ABLIM1: variants seen among roughly 807,000 people sequenced by gnomAD.
ABLIM1 encodes the protein actin binding LIM protein 1.
A neutral mutation model predicts 107.0 loss-of-function variants in ABLIM1; 40 were observed. That is an observed-to-expected ratio of 0.37 (90% CI 0.29 to 0.49). The LOEUF (loss-of-function observed/expected upper bound fraction) is 0.49. Ranked by LOEUF, ABLIM1 falls within the 20% of genes least tolerant of loss-of-function variation. ABLIM1 has a pLI of 0.97. For synonymous variants in ABLIM1, 357 were observed against 357.3 expected (o/e 1.00, Z 0.01); for missense variants, 857 against 1,008.5 (o/e 0.85, Z 2.04).
chr10:114,786,104 C>T, the ABLIM1 span, among the ~76,000 whole-genome samples: 88,780 of 151,960 alleles, frequency 0.58, 26,209 homozygotes, highest in Non-Finnish European at 0.64. Flanking sequence ...GAATTACATT[C>T]AGTTTTTTAA....
intron 12 of ABLIM1, 26 bp from the exon 13 acceptor site, chr10:114,453,509 A>G (rs774375462): frequency 2.7e-6 from 4 of 1,499,130 alleles, no homozygotes; most frequent in Non-Finnish European, 3.6e-6. Context: ...TGGAAAAAAC[A>G]AAATGAGAGA....
chr10:114,616,643 C>G (rs2077147823), intron 1 of ABLIM1, among the ~76,000 whole-genome samples: 1 of 152,162 alleles, frequency 6.6e-6, no homozygotes, highest in South Asian at 2.1e-4. Context: ...AAGGAGTGGA[C>G]CCTCCTGGGT....
Position 114,588,487 on chromosome 10 carries a change from CTTTTTTTTTTTTT to C in ABLIM1, c.380-12901_380-12889del, listed in dbSNP as rs34043960. ...CTCCTTTTTTTCTTTTTCTTTCTTT[CTTTTTTTTTTTTT>C]TTTTTTTTTTTTGAGACAGAGTCTT... is the stretch of plus-strand genomic sequence containing the variant. On this transcript the variant is annotated intron_variant, in intron 2 of 22. Coordinates refer to ENST00000533213, the MANE Select transcript of ABLIM1 (RefSeq NM_002313.7). Among the ~76,000 whole-genome samples the C allele has an allele frequency of 1.2e-4, 9 of 76,560 alleles. 2 individuals are homozygous for C. The South Asian group carries it at 5.7e-3, about 48-fold the overall frequency. 50.2% of individuals were successfully genotyped at this position (76,560 alleles called of 152,430 possible).
intron 6 of ABLIM1, among the ~76,000 whole-genome samples, chr10:114,510,428 T>C (rs930317615): frequency 1.3e-5 from 2 of 151,774 alleles, no homozygotes; most frequent in African/African-American, 4.9e-5. Context: ...TATAATGCAA[T>C]GAATTATAAC....
chr10:114,546,705 T>G (rs1348029443), intron 5 of ABLIM1, among the ~76,000 whole-genome samples: 4 of 152,234 alleles, frequency 2.6e-5, no homozygotes, highest in Non-Finnish European at 5.9e-5. Context: ...TTCACTATAT[T>G]TTTAAACTAC....
intron 1 of ABLIM1, among the ~76,000 whole-genome samples, chr10:114,647,673 C>T (rs1267868746): frequency 4.6e-5 from 7 of 152,190 alleles, no homozygotes; most frequent in Non-Finnish European, 5.9e-5. Flanking sequence ...AGAATTCTCC[C>T]TCTCCACTTG....
intron 1 of ABLIM1, among the ~76,000 whole-genome samples, chr10:114,704,302 C>CTCTCTCTCTATATATA (rs1380460034): frequency 2.3e-5 from 1 of 43,090 alleles, no homozygotes; most frequent in Non-Finnish European, 4.7e-5. Flanking sequence ...CTCTCTCTCT[C>CTCTCTCTCTATATATA]TATATATATA....
intron 1 of ABLIM1, among the ~76,000 whole-genome samples, chr10:114,665,342 G>C (rs1018158136): frequency 6.6e-6 from 1 of 152,212 alleles, no homozygotes; most frequent in Non-Finnish European, 1.5e-5. Flanking sequence ...GCACTGCCAG[G>C]ATTGTGAAGA....
intron 4 of ABLIM1, among the ~76,000 whole-genome samples, chr10:114,559,438 CAAAAAAAAAAAA>C (rs72456292): frequency 8.1e-5 from 4 of 49,364 alleles, no homozygotes; most frequent in East Asian, 1.3e-3. Context: ...ACTCGTCTCT[CAAAAAAAAAAAA>C]AAAAAAAAAA....
upstream of ABLIM1, among the ~76,000 whole-genome samples, chr10:114,685,871 A>G (rs916061963): frequency 6.6e-6 from 1 of 152,140 alleles, no homozygotes; most frequent in African/African-American, 2.4e-5. Context: ...TGCATTCTTT[A>G]TTCTTGTTAG....
intron 8 of ABLIM1, among the ~76,000 whole-genome samples, chr10:114,477,287 G>T (rs1248943212): frequency 6.6e-6 from 1 of 152,190 alleles, no homozygotes; most frequent in African/African-American, 2.4e-5. Context: ...AAATATTTTT[G>T]TTGCGCTAGC....
intron 2 of ABLIM1, among the ~76,000 whole-genome samples, chr10:114,592,988 G>A (rs181551085): frequency 1.4e-4 from 17 of 118,392 alleles, no homozygotes; most frequent in African/African-American, 5.4e-4. Flanking sequence ...GAATTGTCAG[G>A]GAACAGATGG....
chr10:114,541,700 G>A (rs1364782435), intron 6 of ABLIM1, among the ~76,000 whole-genome samples: 2 of 152,210 alleles, frequency 1.3e-5, no homozygotes, highest in African/African-American at 4.8e-5. Flanking sequence ...CCAAGTCTTA[G>A]GCCTCACAAA....
intron 1 of ABLIM1, among the ~76,000 whole-genome samples, chr10:114,628,923 G>A (rs1350488889): frequency 1.3e-5 from 2 of 152,164 alleles, no homozygotes; most frequent in African/African-American, 2.4e-5. Flanking sequence ...TGACGAGCGT[G>A]TATTTAGGAA....
chr10:114,567,590 GA>G (rs1262139180), intron 4 of ABLIM1, among the ~76,000 whole-genome samples: 3 of 152,330 alleles, frequency 2.0e-5, no homozygotes, highest in Admixed American at 2.0e-4. Flanking sequence ...GAACAATACA[GA>G]CATGGCAGCT....
chr10:114,458,423 C>T (rs945705659), intron 12 of ABLIM1, among the ~76,000 whole-genome samples: 9 of 152,044 alleles, frequency 5.9e-5, no homozygotes, highest in Non-Finnish European at 1.3e-4. Context: ...CATGAGAGCC[C>T]GAGTGACTAA....
At chr10:114,745,334 G>A (rs2082362054) in intron 1 of ABLIM1, among the ~76,000 whole-genome samples, 1 of 152,214 alleles carries the variant, frequency 6.6e-6, no homozygotes, top group Non-Finnish European at 1.5e-5. Context: ...GCCAAGGCGG[G>A]CAGATCACCT....
At chr10:114,463,109 G>T in intron 12 of ABLIM1, 1 of 1,326,264 alleles carries the variant, frequency 7.5e-7, no homozygotes, top group South Asian at 1.2e-5. Context: ...TGTGGGTGGG[G>T]CTGAGGCTGC....
intron 8 of ABLIM1, among the ~76,000 whole-genome samples, chr10:114,487,013 G>A (rs1037422486): frequency 2.6e-5 from 4 of 152,168 alleles, no homozygotes; most frequent in African/African-American, 9.7e-5. Flanking sequence ...AATGGGTCTC[G>A]TTGATAATCA....
Sources: gnomAD v4.1 joint callset for allele counts (sites outside exome capture counted in the v4.1 genomes callset) on GRCh38, gnomAD v4.1.1 for gene constraint, MANE v1.5 for transcripts, NCBI Gene and HGNC (gene_info 2026-07-23, HGNC 2026-07-21) for gene names.